Variants in OPCML observed in about 807,000 individuals in gnomAD.
The protein encoded by OPCML is opioid-binding protein/cell adhesion molecule.
A neutral mutation model predicts 37.8 loss-of-function variants in OPCML; 13 were observed. The ratio of observed to expected loss-of-function variants is 0.34; its 90% confidence interval spans 0.22 to 0.55. OPCML has a LOEUF of 0.55. OPCML is among the 20% of genes least tolerant of loss of function. The pLI, the probability that OPCML is intolerant of heterozygous loss-of-function variation, is 0.91. For synonymous variants in OPCML, 176 were observed against 168.8 expected, an observed-to-expected ratio of 1.04 and a Z score of -0.33; for missense variants, 341 against 435.6, an observed-to-expected ratio of 0.78 and a Z score of 1.93.
At chr11:132,694,220 G>A (rs12421102) in intron 2 of OPCML, among the ~76,000 whole-genome samples, 15 of 76,708 alleles carry the variant, frequency 2.0e-4, no homozygotes, top group South Asian at 4.3e-4. Flanking sequence ...TTTTTTTTAA[G>A]ACGGAATCTT....
At chr11:133,312,570 T>G (rs953051508) in intron 1 of OPCML, among the ~76,000 whole-genome samples, 2 of 152,162 alleles carry the variant, frequency 1.3e-5, no homozygotes, top group African/African-American at 4.8e-5. Flanking sequence ...AAATGATTGA[T>G]CAAAGACAGA....
chr11:132,638,634 A>G (rs747855922), intron 3 of OPCML, among the ~76,000 whole-genome samples: 8 of 152,122 alleles, frequency 5.3e-5, no homozygotes, highest in Non-Finnish European at 1.2e-4. Flanking sequence ...TGGCCTTTTG[A>G]GATGTCTTTT....
intron 1 of OPCML, among the ~76,000 whole-genome samples, chr11:133,283,497 C>A (rs533566694): frequency 6.6e-6 from 1 of 152,200 alleles, no homozygotes; most frequent in Non-Finnish European, 1.5e-5. Context: ...ATATTGGCAC[C>A]ATGCTTCCTG....
rs2095941006 is a variant in OPCML at position 132,417,012 on chromosome 11, A to C, written c.*3181T>G. The C allele has an allele frequency of 6.6e-6, 1 of 152,508 alleles. No individual in the cohort carries two copies. The highest frequency in any genetic ancestry group is 2.1e-4 in the South Asian group (1 of 4,818). 9.4% of individuals were successfully genotyped at this position (152,508 alleles called of 1,614,324 possible). A position where few individuals can be genotyped will look rare whatever the true frequency, so the allele number is the denominator to read the frequency against. On this transcript the variant is annotated 3_prime_UTR_variant, in exon 8 of 8. Transcript: ENST00000524381. ...GGGTTTCAGAGTCCCTACATTGCTAATTCCTCTCACCTAATCTCCTAACAG... is the reference window on the plus strand; with the variant it reads ...GGGTTTCAGAGTCCCTACATTGCTACTTCCTCTCACCTAATCTCCTAACAG...
intron 4 of OPCML, among the ~76,000 whole-genome samples, chr11:132,469,387 T>C (rs1284986086): frequency 2.6e-5 from 4 of 151,740 alleles, no homozygotes; most frequent in Non-Finnish European, 5.9e-5. Context: ...TGTATGTGAG[T>C]CTGGGGTGTG....
intron 3 of OPCML, among the ~76,000 whole-genome samples, chr11:132,568,287 G>GA (rs1049553408): frequency 2.0e-5 from 3 of 152,002 alleles, no homozygotes; most frequent in Non-Finnish European, 4.4e-5. Flanking sequence ...TAATAGAAGG[G>GA]AAAAAATCTG....
intron 1 of OPCML, among the ~76,000 whole-genome samples, chr11:133,087,860 C>A (rs1948839894): frequency 6.6e-6 from 1 of 152,152 alleles, no homozygotes; most frequent in South Asian, 2.1e-4. Flanking sequence ...ACTTCAAAGC[C>A]CTCATCTGTA....
intron 1 of OPCML, among the ~76,000 whole-genome samples, chr11:133,242,205 T>C (rs1035379491): frequency 6.6e-6 from 1 of 152,122 alleles, no homozygotes; most frequent in Non-Finnish European, 1.5e-5. Context: ...ATGAGTCACC[T>C]GAAGAAGATT....
At chr11:132,863,822 A>G (rs1942409306) in intron 2 of OPCML, among the ~76,000 whole-genome samples, 1 of 152,248 alleles carries the variant, frequency 6.6e-6, no homozygotes, top group Non-Finnish European at 1.5e-5. Context: ...GCATTAGATC[A>G]TGACCTTTGC....
rs1309723658 is a variant in OPCML, at chr11:132,687,379, T to C, written c.147-30060A>G. Among the ~76,000 whole-genome samples the C allele has an allele frequency of 8.5e-3, 67 of 7,856 alleles. 2 individuals are homozygous for C. Among genetic ancestry groups the C allele is most frequent in the African/African-American group, 0.038 (65 of 1,728 alleles). 5.2% of individuals were successfully genotyped at this position (7,856 alleles called of 152,430 possible). ...CTCTGCCTTAAGCTACATATATATA[T>C]ATATATATATATATATATATATATA... On this transcript the variant is annotated intron_variant, in intron 2 of 7. Coordinates refer to ENST00000524381, the MANE Select transcript of OPCML (RefSeq NM_001012393.5).
At chr11:133,493,867 T>C (rs1333344977) in intron 1 of OPCML, among the ~76,000 whole-genome samples, 1 of 152,176 alleles carries the variant, frequency 6.6e-6, no homozygotes, top group Admixed American at 6.5e-5. Flanking sequence ...ATATGGGATC[T>C]AATTAAACTA....
At position 133,246,081 on chromosome 11, in the gene OPCML, A is replaced by C. The variant is rs75199282; in HGVS notation, c.61+286183T>G. On this transcript the variant is annotated intron_variant, in intron 1 of 7. Coordinates refer to ENST00000524381, the MANE Select transcript of OPCML (RefSeq NM_001012393.5). ...CCATGGCACATGTATACCTATGTAA[A>C]AAACCACTTTCTGCACATGTATCCC... is the stretch of plus-strand genomic sequence containing the variant. 9.6e-3 allele frequency among the ~76,000 whole-genome samples: 1,455 copies of C among 152,304 alleles called. 24 individuals carry two copies. The highest frequency in any genetic ancestry group is 0.033 in the African/African-American group (1,372 of 41,576).
chr11:132,816,618 G>A (rs1176457371), intron 2 of OPCML, among the ~76,000 whole-genome samples: 8 of 152,152 alleles, frequency 5.3e-5, no homozygotes, highest in Non-Finnish European at 7.3e-5. Context: ...TGGGTGTTCA[G>A]GGAACAAGGC....
chr11:133,329,323 G>GA (rs1371773573), intron 1 of OPCML, among the ~76,000 whole-genome samples: 9 of 152,190 alleles, frequency 5.9e-5, no homozygotes, highest in South Asian at 2.1e-4. Context: ...CACAGAATTG[G>GA]AAAAAACTAC....
At chr11:132,868,296 ATT>A (rs67534174) in intron 2 of OPCML, among the ~76,000 whole-genome samples, 2,893 of 77,410 alleles carry the variant, frequency 0.037, 47 homozygotes, top group Middle Eastern at 0.089. Context: ...TGAGGCTGTG[ATT>A]TTTTTTTTTT....
At chr11:132,977,972 G>A (rs560407728) in intron 1 of OPCML, among the ~76,000 whole-genome samples, 42 of 152,292 alleles carry the variant, frequency 2.8e-4, no homozygotes, top group African/African-American at 9.6e-4. Flanking sequence ...GAGGAGACAC[G>A]GAAGTCCTGT....
At chr11:133,364,932 C>A (rs1457789829) in intron 1 of OPCML, among the ~76,000 whole-genome samples, 1 of 152,086 alleles carries the variant, frequency 6.6e-6, no homozygotes, top group Non-Finnish European at 1.5e-5. Flanking sequence ...CACTCCAACT[C>A]TTTAGTCACA....
intron 3 of OPCML, among the ~76,000 whole-genome samples, chr11:132,548,659 C>A (rs559498954): frequency 1.8e-3 from 267 of 152,306 alleles, no homozygotes; most frequent in Non-Finnish European, 3.5e-3. Flanking sequence ...AGCAGGGGAT[C>A]TCCCGGTTTG....
At position 133,125,611 on chromosome 11, in the gene OPCML, C is replaced by T. The variant is rs555358395; in HGVS notation, c.62-182601G>A. On this transcript the variant is annotated intron_variant, in intron 1 of 7. Coordinates refer to ENST00000524381, the MANE Select transcript of OPCML (RefSeq NM_001012393.5). ...TATATATATAGTGTGTATATATACA[C>T]TATATGTAGTATCTAGTATATAGTA... is the stretch of plus-strand genomic sequence containing the variant. Among the ~76,000 whole-genome samples the T allele has an allele frequency of 3.0e-4, 43 of 142,372 alleles. No individual in the cohort carries two copies. In the South Asian group the frequency reaches 8.9e-3, roughly 29 times the overall value. 93.4% of individuals were successfully genotyped at this position (142,372 alleles called of 152,430 possible).
Sources: allele counts gnomAD v4.1 joint callset (sites outside exome capture counted in the v4.1 genomes callset), GRCh38; gene constraint gnomAD v4.1.1; transcripts MANE v1.5; gene names NCBI Gene and HGNC (gene_info 2026-07-23, HGNC 2026-07-21).